The following EYS variants were observed in gnomAD, a reference collection of about 807,000 sequenced individuals.
The protein encoded by EYS is EGF-like photoreceptor maintenance factor.
A neutral mutation model predicts 282.1 loss-of-function variants in EYS; 250 were observed. The observed-to-expected ratio is 0.89, with a 90% CI of 0.80 to 0.98. The LOEUF (loss-of-function observed/expected upper bound fraction) is 0.98. EYS is among the 50% of genes least tolerant of loss of function. The pLI, the probability that EYS is intolerant of heterozygous loss-of-function variation, is 0.00. For missense variants in EYS, 4,016 were observed against 3,709.0 expected, an observed-to-expected ratio of 1.08 and a Z score of -2.15; for synonymous variants, 1,355 against 1,282.9, an observed-to-expected ratio of 1.06 and a Z score of -1.20.
At position 64,617,289 on chromosome 6, in the gene EYS, A is replaced by T. The variant is rs550440687; in HGVS notation, c.3684+129T>A. 21 of 662,348 alleles carry T rather than the reference A, an allele frequency of 3.2e-5. No individual in the cohort carries two copies. The South Asian group carries it at 3.7e-4, about 12-fold the overall frequency. 41.0% of individuals were successfully genotyped at this position (662,348 alleles called of 1,614,324 possible). ...GAATGCCGAGAAAAGTGTAGCGTGCACAGAGAAGGAGAGATGCGCTGAAGA... is the reference window on the plus strand; with the variant it reads ...GAATGCCGAGAAAAGTGTAGCGTGCTCAGAGAAGGAGAGATGCGCTGAAGA... On this transcript the variant is annotated intron_variant, in intron 24 of 42. Coordinates refer to ENST00000503581, the MANE Select transcript of EYS (RefSeq NM_001142800.2).
At chr6:63,938,121 C>T (rs1473232585) in intron 35 of EYS, among the ~76,000 whole-genome samples, 1 of 152,162 alleles carries the variant, frequency 6.6e-6, no homozygotes, top group East Asian at 1.9e-4. Flanking sequence ...GATTTCTGAA[C>T]TCTGCACAGA....
chr6:65,407,260 T>C (rs1400984729), intron 5 of EYS, among the ~76,000 whole-genome samples: 5 of 152,140 alleles, frequency 3.3e-5, no homozygotes, highest in African/African-American at 1.2e-4. Flanking sequence ...TTATTTTTAT[T>C]CATTTATTTT....
rs537878467 is a variant in EYS at position 64,541,853 on chromosome 6, A to AG, written c.5644+48369dup. 3.7e-3 allele frequency among the ~76,000 whole-genome samples: 557 copies of AG among 152,290 alleles called. 1 individual carries two copies. Among genetic ancestry groups the AG allele is most frequent in the South Asian group, 0.011 (55 of 4,832 alleles). On this transcript the variant is annotated intron_variant, in intron 26 of 42. Coordinates refer to ENST00000503581, the MANE Select transcript of EYS (RefSeq NM_001142800.2). ...CAATGGAAGTGTTTTGTAGTTATAA[A>AG]GTTTTACATATTATCTAGAGAACTA...
intron 2 of EYS, among the ~76,000 whole-genome samples, chr6:65,567,228 T>C (rs1764294989): frequency 2.0e-5 from 3 of 150,114 alleles, no homozygotes; most frequent in East Asian, 3.9e-4. Context: ...TTCAGAACTG[T>C]CAGAAATATA....
chr6:65,435,531 A>G (rs1768042879), intron 5 of EYS, among the ~76,000 whole-genome samples: 1 of 152,140 alleles, frequency 6.6e-6, no homozygotes, highest in Non-Finnish European at 1.5e-5. Flanking sequence ...AAAGAGAGAG[A>G]TTAAATTGTT....
At chr6:64,149,504 T>C (rs187801559) in intron 31 of EYS, among the ~76,000 whole-genome samples, 30 of 152,308 alleles carry the variant, frequency 2.0e-4, no homozygotes, top group Admixed American at 1.8e-3. Flanking sequence ...GGATAGGAAG[T>C]ATCTACAACA....
Position 64,443,908 on chromosome 6 carries a change from A to G in EYS, c.5645-4556T>C, listed in dbSNP as rs139054169. 5.5e-3 allele frequency among the ~76,000 whole-genome samples: 831 copies of G among 152,304 alleles called. 9 individuals are homozygous for G. The highest frequency in any genetic ancestry group is 0.025 in the East Asian group (130 of 5,180). Reference sequence around the variant, plus strand: ...TGAAAATGGACTAATAGAGTCATTAAAAAAGATTTCTGGGGGATGCTCAAG... The same window carrying G: ...TGAAAATGGACTAATAGAGTCATTAGAAAAGATTTCTGGGGGATGCTCAAG... On this transcript the variant is annotated intron_variant, in intron 26 of 42. Coordinates refer to ENST00000503581, the MANE Select transcript of EYS (RefSeq NM_001142800.2).
chr6:65,459,123 A>G (rs1437098951), intron 5 of EYS, among the ~76,000 whole-genome samples: 1 of 152,134 alleles, frequency 6.6e-6, no homozygotes, highest in Non-Finnish European at 1.5e-5. Flanking sequence ...CAGTCATTAA[A>G]ATCTGATAAG....
chr6:64,605,077 C>A (rs1766880813), intron 24 of EYS, among the ~76,000 whole-genome samples: 1 of 151,998 alleles, frequency 6.6e-6, no homozygotes. Context: ...TTTAATCTAG[C>A]ACACAATATC....
intron 28 of EYS, among the ~76,000 whole-genome samples, chr6:64,392,027 GA>G (rs1773171099): frequency 6.6e-6 from 1 of 151,812 alleles, no homozygotes; most frequent in African/African-American, 2.4e-5. Context: ...AAGAGACAAA[GA>G]AGGCCATTAC....
chr6:64,501,132 T>C (rs1267457660), intron 26 of EYS, among the ~76,000 whole-genome samples: 1 of 151,620 alleles, frequency 6.6e-6, no homozygotes, highest in African/African-American at 2.4e-5. Context: ...CTTGGGAATT[T>C]AGAAAAACCC....
intron 35 of EYS, among the ~76,000 whole-genome samples, chr6:63,913,630 G>A (rs559493372): frequency 6.6e-6 from 1 of 152,148 alleles, no homozygotes; most frequent in Non-Finnish European, 1.5e-5. Context: ...ATTTTTAAAG[G>A]TTCATTCATG....
intron 29 of EYS, among the ~76,000 whole-genome samples, chr6:64,355,115 A>C (rs1922945): frequency 5.3e-5 from 8 of 151,356 alleles, no homozygotes; most frequent in African/African-American, 1.9e-4. Context: ...TAATGTGCAT[A>C]CTATATCAAT....
chr6:64,563,312 G>A (rs1185805643), intron 26 of EYS, among the ~76,000 whole-genome samples: 3 of 151,732 alleles, frequency 2.0e-5, no homozygotes, highest in African/African-American at 4.8e-5. Flanking sequence ...AGTTTACAGC[G>A]TTCTTTTTAT....
intron 33 of EYS, among the ~76,000 whole-genome samples, chr6:64,025,472 G>T (rs566767640): frequency 3.9e-5 from 6 of 152,166 alleles, no homozygotes; most frequent in Admixed American, 1.3e-4. Flanking sequence ...ACTTCCTCTC[G>T]CCTCTCTTCT....
chr6:65,270,944 G>C (rs1319462694), intron 12 of EYS, among the ~76,000 whole-genome samples: 1 of 151,200 alleles, frequency 6.6e-6, no homozygotes, highest in Non-Finnish European at 1.5e-5. Context: ...GCCCTCACCA[G>C]AATTGTCTTT....
At position 64,407,505 on chromosome 6, in the gene EYS, C is replaced by A. The variant is rs181976080; in HGVS notation, c.5928-18665G>T. 1.3e-4 allele frequency among the ~76,000 whole-genome samples: 20 copies of A among 152,108 alleles called. No homozygotes were observed. In the East Asian group the frequency reaches 3.5e-3, roughly 26 times the overall value. On this transcript the variant is annotated intron_variant, in intron 28 of 42. Transcript: ENST00000503581. ...ATATGGAAGATAACACCATTTATGG[C>A]AAAACAGAGGTGCTGGAATATCTTG...
In EYS at chr6:65,344,025, A is replaced by G. The variant is rs182876572; in HGVS notation, c.1599+13T>C. ...AGAGAAAAATGAAAAGCAACTACAT[A>G]AAATTACCTTACCTCTTTTGTGCCT... On this transcript the variant is annotated intron_variant, in intron 10 of 42. Transcript: ENST00000503581. The G allele has an allele frequency of 9.1e-5, 146 of 1,606,812 alleles. 1 individual carries two copies. In the African/African-American group the frequency reaches 1.9e-3, roughly 21 times the overall value.
chr6:64,782,762 A>G (rs1298280374), intron 22 of EYS, among the ~76,000 whole-genome samples: 1 of 152,240 alleles, frequency 6.6e-6, no homozygotes. Flanking sequence ...AGAATAGTTT[A>G]AAGTTATGAA....
Sources: allele counts gnomAD v4.1 joint callset (sites outside exome capture counted in the v4.1 genomes callset), GRCh38; gene constraint gnomAD v4.1.1; transcripts MANE v1.5; gene names NCBI Gene and HGNC (gene_info 2026-07-23, HGNC 2026-07-21).